URI1: variants seen among roughly 807,000 people sequenced by gnomAD.
The protein encoded by URI1 is unconventional prefoldin RPB5 interactor 1.
Under a neutral mutation model 60.2 loss-of-function variants are expected in URI1, and 39 were observed. That is an observed-to-expected ratio of 0.65 (90% CI 0.50 to 0.85). The LOEUF (loss-of-function observed/expected upper bound fraction) is 0.85. Ranked by LOEUF, URI1 falls within the 40% of genes least tolerant of loss-of-function variation. The pLI, the probability that URI1 is intolerant of heterozygous loss-of-function variation, is 0.00. For missense variants in URI1, 691 were observed against 665.9 expected (o/e 1.04, Z -0.42); for synonymous variants, 251 against 236.8 (o/e 1.06, Z -0.55).
chr19:29,951,552 C>CTT (rs766190240), intron 1 of URI1, among the ~76,000 whole-genome samples: 5 of 139,996 alleles, frequency 3.6e-5, no homozygotes, highest in East Asian at 2.0e-4. Flanking sequence ...AGCATGCATT[C>CTT]TTTTTTTTTT....
At chr19:29,955,936 T>G (rs1351006378) in intron 1 of URI1, among the ~76,000 whole-genome samples, 1 of 152,062 alleles carries the variant, frequency 6.6e-6, no homozygotes, top group East Asian at 1.9e-4. Context: ...TGGCTGGCCT[T>G]GGTAGTTCCA....
intron 1 of URI1, among the ~76,000 whole-genome samples, chr19:29,952,070 C>A (rs2055187090): frequency 6.6e-6 from 1 of 152,210 alleles, no homozygotes; most frequent in Non-Finnish European, 1.5e-5. Context: ...TATTAACCTT[C>A]AATATACCAG....
rs1349110908 is a variant in URI1 at position 29,923,702 on chromosome 19, G to A, written c.11G>A (p.Trp4Ter). ...GAGGTCACTGCCCTGATGACAACAT[G>A]GTCTTCCCTTCAAGGAAGCCACGTT... Residue 4 changes from tryptophan (W) to a stop codon, truncating the protein, a stop_gained, in exon 1 of 11, where the codon TGG becomes TAG. Transcript: ENST00000360605. LOFTEE classifies it high-confidence loss of function. 3 of 1,536,604 alleles carry A rather than the reference G, an allele frequency of 2.0e-6. No individual in the cohort carries two copies. The highest frequency in any genetic ancestry group is 4.9e-5 in the East Asian group (2 of 40,920).
chr19:30,010,379 T>TC (rs2056002231), intron 8 of URI1, among the ~76,000 whole-genome samples: 1 of 152,224 alleles, frequency 6.6e-6, no homozygotes, highest in Admixed American at 6.5e-5. Flanking sequence ...GAAGGGGTCT[T>TC]CCCCTGATTC....
intron 4 of URI1, among the ~76,000 whole-genome samples, chr19:29,994,360 T>TCCATCTC (rs1298364622): frequency 6.1e-5 from 9 of 147,738 alleles, no homozygotes; most frequent in Non-Finnish European, 1.0e-4. Flanking sequence ...ATAACCACCA[T>TCCATCTC]CCATCTCCAG....
At chr19:29,938,536 C>T (rs1448400523), upstream of URI1, among the ~76,000 whole-genome samples, 1 of 152,150 alleles carries the variant, frequency 6.6e-6, no homozygotes, top group Non-Finnish European at 1.5e-5. Flanking sequence ...ATGTTAGTGG[C>T]CCTCTATTGA....
rs2056072222 is a variant in URI1 at position 30,015,253 on chromosome 19, T to TTA, written c.*184_*185insTA. The TTA allele has an allele frequency of 7.1e-7, 1 of 1,414,558 alleles. No individual in the cohort carries two copies. Among genetic ancestry groups the TTA allele is most frequent in the African/African-American group, 1.4e-5 (1 of 69,466 alleles). The allele number at this position is 1,414,558 out of a possible 1,614,324, so 87.6% of individuals were successfully genotyped here. A position where few individuals can be genotyped will look rare whatever the true frequency, so the allele number is the denominator to read the frequency against. ...CAAGGTAACTGTCTGAATACTTTAA[T>TTA]ATCAGCTTGTTTTGTGAATTCTCTG... On this transcript the variant is annotated 3_prime_UTR_variant, in exon 11 of 11. Coordinates refer to ENST00000392271, the MANE Select transcript of URI1 (RefSeq NM_003796.3).
chr19:29,971,115 A>G (rs2055453862), intron 1 of URI1, 78 bp from the exon 2 acceptor site: 1 of 1,353,320 alleles, frequency 7.4e-7, no homozygotes, highest in Non-Finnish European at 1.1e-6. Flanking sequence ...CCAATGTTCT[A>G]GTTTTCAGAT....
intron 7 of URI1, among the ~76,000 whole-genome samples, 191 bp from the exon 8 acceptor site, chr19:30,008,814 A>G (rs893394737): frequency 3.0e-4 from 45 of 152,280 alleles, no homozygotes; most frequent in African/African-American, 1.0e-3. Flanking sequence ...ACCTCAATAT[A>G]TAGAAGCAGC....
chr19:29,990,086 G>T (rs1053843001), intron 4 of URI1, among the ~76,000 whole-genome samples: 1 of 152,068 alleles, frequency 6.6e-6, no homozygotes, highest in Non-Finnish European at 1.5e-5. Flanking sequence ...TTAGGTCACG[G>T]TTCATTTTTC....
upstream of URI1, among the ~76,000 whole-genome samples, chr19:29,939,823 A>C (rs2055006083): frequency 6.6e-6 from 1 of 152,128 alleles, no homozygotes; most frequent in Non-Finnish European, 1.5e-5. Context: ...GTATCTGAAG[A>C]AGAGAGAAAT....
chr19:29,942,495 G>A lies in URI1; in HGVS notation c.-53G>A. On this transcript the variant is annotated 5_prime_UTR_variant, in exon 1 of 11. Transcript: ENST00000392271. Reference sequence around the variant, plus strand: ...TGGGCAACTGCCGGCCGCGCCGCCTGCGCAGGCGCTGGTTCAGGACTCACA... The same window carrying A: ...TGGGCAACTGCCGGCCGCGCCGCCTACGCAGGCGCTGGTTCAGGACTCACA... 8.6e-7 allele frequency: 1 copy of A among 1,162,252 alleles called. No homozygotes were observed. Among genetic ancestry groups the A allele is most frequent in the Admixed American group, 4.8e-5 (1 of 20,854 alleles). 72.0% of individuals were successfully genotyped at this position (1,162,252 alleles called of 1,614,324 possible). A position where few individuals can be genotyped will look rare whatever the true frequency, so the allele number is the denominator to read the frequency against.
intron 1 of URI1, among the ~76,000 whole-genome samples, chr19:29,946,704 TA>T (rs1293211486): frequency 6.6e-6 from 1 of 152,178 alleles, no homozygotes; most frequent in African/African-American, 2.4e-5. Flanking sequence ...TGTGATAAAC[TA>T]AACTGCACAT....
At position 29,951,828 on chromosome 19, in the gene URI1, G is replaced by A. The variant is rs183133976; in HGVS notation, c.117+9164G>A. Among the ~76,000 whole-genome samples, 4 of 152,304 alleles carry A rather than the reference G, an allele frequency of 2.6e-5. No individual in the cohort carries two copies. The East Asian group carries it at 7.7e-4, about 29-fold the overall frequency. ...CTCCCAAAGTGCTGGGATTACAGGC[G>A]TGAGCCACCGTGCCTGGCTTGTGCA... On this transcript the variant is annotated intron_variant, in intron 1 of 10. Transcript: ENST00000392271.
At chr19:29,944,408 C>T (rs2055078501) in intron 1 of URI1, among the ~76,000 whole-genome samples, 2 of 151,548 alleles carry the variant, frequency 1.3e-5, no homozygotes, top group South Asian at 4.2e-4. Context: ...GTTAATTTCA[C>T]CTCCTTCAGT....
intron 4 of URI1, among the ~76,000 whole-genome samples, chr19:30,004,904 G>A (rs867486287): frequency 6.6e-5 from 10 of 151,978 alleles, no homozygotes; most frequent in African/African-American, 2.4e-4. Context: ...CGTAAAAAAT[G>A]TGTTGTATTT....
chr19:29,999,190 C>T (rs1445322586), intron 4 of URI1, among the ~76,000 whole-genome samples: 1 of 151,948 alleles, frequency 6.6e-6, no homozygotes, highest in Non-Finnish European at 1.5e-5. Context: ...TTCTTTATCA[C>T]ATAGAAAAGA....
intron 1 of URI1, among the ~76,000 whole-genome samples, chr19:29,970,716 C>T (rs530060856): frequency 2.7e-4 from 41 of 151,840 alleles, no homozygotes; most frequent in Admixed American, 1.7e-3. Context: ...TTTTTTAATG[C>T]GTCAGAATAA....
At chr19:29,969,487 A>G (rs2055431886) in intron 1 of URI1, among the ~76,000 whole-genome samples, 1 of 152,238 alleles carries the variant, frequency 6.6e-6, no homozygotes, top group African/African-American at 2.4e-5. Context: ...ACTAATGGAT[A>G]TAGCTTAGAA....
Sources: gnomAD v4.1 joint callset for allele counts (sites outside exome capture counted in the v4.1 genomes callset) on GRCh38, gnomAD v4.1.1 for gene constraint, MANE v1.5 for transcripts, NCBI Gene and HGNC (gene_info 2026-07-23, HGNC 2026-07-21) for gene names.